ASTN2: variants seen among roughly 807,000 people sequenced by gnomAD.
ASTN2 encodes astrotactin 2.
ASTN2 carries 54 observed loss-of-function variants against 139.8 expected under a neutral mutation model. The ratio of observed to expected loss-of-function variants is 0.39; its 90% CI spans 0.31 to 0.48. The LOEUF (loss-of-function observed/expected upper bound fraction) is 0.48. ASTN2 is among the 20% of genes least tolerant of loss of function. The pLI is 0.95. For missense variants in ASTN2, 1,565 were observed against 1,725.1 expected (o/e 0.91, Z 1.64); for synonymous variants, 756 against 719.5 (o/e 1.05, Z -0.81).
At chr9:117,256,754 C>G (rs1051227299) in intron 2 of ASTN2, among the ~76,000 whole-genome samples, 3 of 152,194 alleles carry the variant, frequency 2.0e-5, no homozygotes, top group African/African-American at 7.2e-5. Context: ...TCCCCTACTA[C>G]TATTATAACT....
In ASTN2 at chr9:116,658,729, C is replaced by T. The variant is rs562400263; in HGVS notation, c.2807-6936G>A. Among the ~76,000 whole-genome samples, 125 of 119,936 alleles carry T rather than the reference C, an allele frequency of 1.0e-3. 1 individual carries two copies. Among genetic ancestry groups the T allele is most frequent in the South Asian group, 5.3e-3 (16 of 3,008 alleles). The allele number at this position is 119,936 out of a possible 152,430, so 78.7% of individuals were successfully genotyped here. On this transcript the variant is annotated intron_variant, in intron 16 of 22. Coordinates refer to ENST00000313400, the MANE Select transcript of ASTN2 (RefSeq NM_001365068.1). ...GTATGACCTTCCTAATCCTGACCAC[C>T]GCTCTTTTTTTTTTTTTTTTTTTTT...
chr9:116,551,644 G>A (rs1167924763), intron 19 of ASTN2, among the ~76,000 whole-genome samples: 6 of 152,050 alleles, frequency 3.9e-5, no homozygotes, highest in South Asian at 2.1e-4. Context: ...GCCTATATCC[G>A]CTCTGCCCAC....
chr9:116,759,066 C>A (rs1425549216), intron 13 of ASTN2, among the ~76,000 whole-genome samples: 1 of 152,018 alleles, frequency 6.6e-6, no homozygotes, highest in Non-Finnish European at 1.5e-5. Context: ...TTTGTAGAGA[C>A]AAGGTCTCCA....
chr9:117,393,867 G>A (rs2130949486), intron 1 of ASTN2, among the ~76,000 whole-genome samples: 1 of 152,018 alleles, frequency 6.6e-6, no homozygotes, highest in Non-Finnish European at 1.5e-5. Flanking sequence ...TCTGGGATAT[G>A]GAGGAGGAGG....
intron 5 of ASTN2, among the ~76,000 whole-genome samples, chr9:117,050,411 A>C (rs1234084619): frequency 2.0e-5 from 3 of 151,988 alleles, no homozygotes; most frequent in Non-Finnish European, 4.4e-5. Flanking sequence ...GCCTCCTGTG[A>C]TGGCCTAGTA....
intron 5 of ASTN2, among the ~76,000 whole-genome samples, chr9:117,042,713 C>T (rs563725651): frequency 6.6e-5 from 10 of 152,140 alleles, no homozygotes; most frequent in South Asian, 2.1e-4. Context: ...CTAACATCAA[C>T]GTTATCTACT....
intron 10 of ASTN2, among the ~76,000 whole-genome samples, chr9:116,908,263 AG>A (rs2132416204): frequency 6.6e-6 from 1 of 152,332 alleles, no homozygotes; most frequent in African/African-American, 2.4e-5. Context: ...AGATAAGGGC[AG>A]GTTTCAGTTC....
At chr9:116,537,089 G>T (rs1440386171) in intron 19 of ASTN2, among the ~76,000 whole-genome samples, 1 of 152,200 alleles carries the variant, frequency 6.6e-6, no homozygotes, top group Non-Finnish European at 1.5e-5. Context: ...CTGCTGCCTT[G>T]CAGTTCGATC....
intron 5 of ASTN2, among the ~76,000 whole-genome samples, chr9:117,051,669 T>C (rs939347759): frequency 6.6e-6 from 1 of 152,162 alleles, no homozygotes; most frequent in Non-Finnish European, 1.5e-5. Flanking sequence ...ACAGATTCTG[T>C]CATTTGACTC....
intron 17 of ASTN2, among the ~76,000 whole-genome samples, chr9:116,628,793 T>C (rs73528742): frequency 0.029 from 4,463 of 152,260 alleles, 201 homozygotes; most frequent in African/African-American, 0.1. Flanking sequence ...CTGGTGGAGA[T>C]GTTAATAGTG....
At chr9:116,928,524 C>T (rs1371789628) in intron 10 of ASTN2, among the ~76,000 whole-genome samples, 1 of 152,166 alleles carries the variant, frequency 6.6e-6, no homozygotes, top group Non-Finnish European at 1.5e-5. Flanking sequence ...AGCAGATACT[C>T]AAGCCTACCA....
chr9:117,130,304 C>G (rs550282143), intron 4 of ASTN2, among the ~76,000 whole-genome samples: 2 of 152,098 alleles, frequency 1.3e-5, no homozygotes, highest in Non-Finnish European at 2.9e-5. Context: ...AAGATTGTAT[C>G]TCAACAACAA....
At chr9:116,887,880 C>A (rs1400131434) in intron 10 of ASTN2, among the ~76,000 whole-genome samples, 4 of 152,046 alleles carry the variant, frequency 2.6e-5, no homozygotes, top group Admixed American at 6.6e-5. Context: ...GTTGCCCAGG[C>A]TGGTCTCGAA....
intron 1 of ASTN2, among the ~76,000 whole-genome samples, chr9:117,400,937 G>T (rs1273257204): frequency 6.6e-6 from 1 of 152,108 alleles, no homozygotes; most frequent in African/African-American, 2.4e-5. Flanking sequence ...TTAACCACAT[G>T]ACTTGCTTCG....
chr9:116,973,006 T>A (rs1257228592), intron 10 of ASTN2, among the ~76,000 whole-genome samples: 6 of 152,252 alleles, frequency 3.9e-5, no homozygotes, highest in Non-Finnish European at 7.3e-5. Flanking sequence ...ATGCCCATGA[T>A]ATGCTTGCCT....
chr9:116,618,500 G>T, intron 18 of ASTN2, 28 bp from the exon 19 acceptor site: 1 of 1,586,050 alleles, frequency 6.3e-7, no homozygotes, highest in Non-Finnish European at 8.6e-7. Context: ...GAAGATTCGT[G>T]TTTGGCAGCC....
chr9:117,053,263 G>A (rs1173301201), intron 5 of ASTN2, among the ~76,000 whole-genome samples: 1 of 151,978 alleles, frequency 6.6e-6, no homozygotes, highest in Non-Finnish European at 1.5e-5. Context: ...ACTAGCCTGG[G>A]CAACATAGCA....
At chr9:117,297,782 A>G (rs1330441436) in intron 1 of ASTN2, among the ~76,000 whole-genome samples, 2 of 152,272 alleles carry the variant, frequency 1.3e-5, no homozygotes, top group East Asian at 3.9e-4. Context: ...TTCTAAAATA[A>G]TCCAGCCACT....
At chr9:117,345,836 C>G (rs571680731) in intron 1 of ASTN2, among the ~76,000 whole-genome samples, 2 of 152,056 alleles carry the variant, frequency 1.3e-5, no homozygotes, top group South Asian at 2.1e-4. Flanking sequence ...ACTTCTTTTT[C>G]TCTTCCACCC....
Sources: allele counts gnomAD v4.1 joint callset (sites outside exome capture counted in the v4.1 genomes callset), GRCh38; gene constraint gnomAD v4.1.1; transcripts MANE v1.5; gene names NCBI Gene and HGNC (gene_info 2026-07-23, HGNC 2026-07-21).